The following RPTOR variants were observed in gnomAD, a reference collection of about 807,000 sequenced individuals.
RPTOR encodes the protein regulatory-associated protein of mTOR.
RPTOR carries 21 observed loss-of-function variants against 169.9 expected under a neutral mutation model. The ratio of observed to expected loss-of-function variants is 0.12; its 90% CI spans 0.09 to 0.18. The LOEUF (loss-of-function observed/expected upper bound fraction) is 0.18, where lower values mean the gene tolerates loss of function less well. Ranked by LOEUF, RPTOR falls within the 10% of genes least tolerant of loss-of-function variation. RPTOR has a pLI of 1.00. For synonymous variants in RPTOR, 732 were observed against 753.2 expected (o/e 0.97, Z 0.46); for missense variants, 1,133 against 1,855.9 (o/e 0.61, Z 7.16).
At chr17:80,891,515 G>A (rs1054618652) in intron 17 of RPTOR, among the ~76,000 whole-genome samples, 12 of 152,260 alleles carry the variant, frequency 7.9e-5, no homozygotes, top group Non-Finnish European at 1.6e-4. Context: ...TCCCCCGTGA[G>A]CCAGTGGCCT....
rs922576862 is a variant in RPTOR, at chr17:80,965,005, C to T, written c.*675C>T. The T allele has an allele frequency of 8.6e-6, 2 of 233,400 alleles. No individual in the cohort carries two copies. Among genetic ancestry groups the T allele is most frequent in the African/African-American group, 2.2e-5 (1 of 45,362 alleles). 14.5% of individuals were successfully genotyped at this position (233,400 alleles called of 1,614,324 possible). ...GGAAGCGCACAGCCCACCCTCCCCG[C>T]ACCTCCAGGTCTCTGGACTCCAGTT... On this transcript the variant is annotated 3_prime_UTR_variant, in exon 34 of 34. Coordinates refer to ENST00000306801, the MANE Select transcript of RPTOR (RefSeq NM_020761.3).
In RPTOR at chr17:80,562,950, C is replaced by T. The variant is rs974762813; in HGVS notation, c.162+17159C>T. Among the ~76,000 whole-genome samples the T allele has an allele frequency of 7.2e-5, 11 of 152,186 alleles. No individual in the cohort carries two copies. The highest frequency in any genetic ancestry group is 2.6e-4 in the Admixed American group (4 of 15,290). ...GTGTGACCGTCGCCTGCCTTGCTGC[C>T]GATGTCCTGAAGATGCTTCATGTTG... On this transcript the variant is annotated intron_variant, in intron 1 of 33. Coordinates refer to ENST00000306801, the MANE Select transcript of RPTOR (RefSeq NM_020761.3). The surrounding 1 kb of genome is among the most constrained non-coding windows in gnomAD (Gnocchi z 4.4).
intron 11 of RPTOR, among the ~76,000 whole-genome samples, chr17:80,853,665 A>G (rs1014121724): frequency 1.3e-5 from 2 of 152,188 alleles, no homozygotes; most frequent in African/African-American, 4.8e-5. Flanking sequence ...GAAAAAATCA[A>G]AAGAAGTAAT....
intron 3 of RPTOR, among the ~76,000 whole-genome samples, chr17:80,703,972 A>G (rs2066122630): frequency 6.6e-6 from 1 of 152,164 alleles, no homozygotes; most frequent in Non-Finnish European, 1.5e-5. Context: ...CTTATAGCTG[A>G]TGCGTTTGGT....
At chr17:80,744,530 TACTAGCACAGC>T (rs2066543164) in intron 5 of RPTOR, among the ~76,000 whole-genome samples, 4 of 88,534 alleles carry the variant, frequency 4.5e-5, no homozygotes, top group Non-Finnish European at 1.0e-4. Flanking sequence ...CAGCCCTGGC[TACTAGCACAGC>T]CCTGGCTACT....
At chr17:80,928,968 GAA>G (rs1481975334) in intron 24 of RPTOR, among the ~76,000 whole-genome samples, 2 of 152,176 alleles carry the variant, frequency 1.3e-5, no homozygotes, top group East Asian at 3.8e-4. Context: ...GTCAGGATTA[GAA>G]AAGGGTATAC....
At chr17:80,836,409 G>A (rs1473191735) in intron 9 of RPTOR, among the ~76,000 whole-genome samples, 2 of 152,238 alleles carry the variant, frequency 1.3e-5, no homozygotes, top group Non-Finnish European at 2.9e-5. Flanking sequence ...CTGGATGCCA[G>A]GGCACCTGCA....
rs1721981069 is a variant in RPTOR at position 80,820,711 on chromosome 17, G to A, written c.891-1490G>A. Reference sequence around the variant, plus strand: ...CTTGTTCTGAAGCGAGAGCAGACTGGGGAGAAGGAGGAGGGGCTGAGACGA... The same window carrying A: ...CTTGTTCTGAAGCGAGAGCAGACTGAGGAGAAGGAGGAGGGGCTGAGACGA... On this transcript the variant is annotated intron_variant, in intron 7 of 33. Coordinates refer to ENST00000306801, the MANE Select transcript of RPTOR (RefSeq NM_020761.3). This position sits in a 1 kb window ranked among gnomAD's most constrained non-coding sequence, Gnocchi z 4.1. Among the ~76,000 whole-genome samples the A allele has an allele frequency of 6.6e-6, 1 of 152,148 alleles. No individual in the cohort carries two copies. The highest frequency in any genetic ancestry group is 1.5e-5 in the Non-Finnish European group (1 of 68,026).
Position 80,643,749 on chromosome 17 carries a change from A to C in RPTOR, c.287A>C (p.Gln96Pro), listed in dbSNP as rs1358902026. The change falls in exon 3 of 34, where the codon CAG becomes CCG. Residue 96 changes from glutamine (Q) to proline (P), a missense_variant. Gln to Pro is a moderately conservative substitution (Grantham distance 76). Around this residue, in one of 9 missense-constraint regions of RPTOR, gnomAD observed 74 missense variants for 168.3 expected, o/e 0.44. Transcript: ENST00000306801. ...TCAGATCCTCTGTCGATGGGTCCTC[A>C]GAAAGCTCTGGAAACCATCGGTGCA... is the stretch of plus-strand genomic sequence containing the variant. Reference protein sequence around the residue: ...CWIDPLSMGPQKALETIGANL... With the variant: ...CWIDPLSMGPPKALETIGANL... 9.9e-6 allele frequency: 16 copies of C among 1,613,396 alleles called. No homozygotes were observed. The highest frequency in any genetic ancestry group is 1.3e-5 in the Non-Finnish European group (15 of 1,179,766).
At chr17:80,647,748 G>A (rs2065607943) in intron 3 of RPTOR, among the ~76,000 whole-genome samples, 1 of 152,188 alleles carries the variant, frequency 6.6e-6, no homozygotes, top group African/African-American at 2.4e-5. Context: ...CAGTCATGGA[G>A]CCACGTTGTT....
intron 25 of RPTOR, among the ~76,000 whole-genome samples, chr17:80,944,918 G>C (rs1418932301): frequency 3.3e-5 from 5 of 151,494 alleles, no homozygotes; most frequent in Non-Finnish European, 5.9e-5. Flanking sequence ...TTGAACCCAG[G>C]AGGCAGAGGT....
At chr17:80,930,368 A>AGCTCATCCCCT (rs2068873823) in intron 24 of RPTOR, among the ~76,000 whole-genome samples, 2 of 83,074 alleles carry the variant, frequency 2.4e-5, no homozygotes, top group Non-Finnish European at 2.3e-5. Context: ...GCTCATCCTC[A>AGCTCATCCCCT]GCTCATCCCC....
At chr17:80,780,303 G>A (rs2066928383) in intron 6 of RPTOR, among the ~76,000 whole-genome samples, 1 of 152,186 alleles carries the variant, frequency 6.6e-6, no homozygotes, top group Admixed American at 6.5e-5. Context: ...CGGTGGAGAA[G>A]AGCGGAAAGG....
At chr17:80,566,625 C>T (rs62068270) in intron 1 of RPTOR, among the ~76,000 whole-genome samples, 1 of 151,608 alleles carries the variant, frequency 6.6e-6, no homozygotes, top group African/African-American at 2.4e-5. Context: ...TCGAGATCAT[C>T]CTGGCTAATA....
In RPTOR at chr17:80,844,563, C is replaced by T. The variant is rs1420154650; in HGVS notation, c.1213-1910C>T. On this transcript the variant is annotated intron_variant, in intron 10 of 33. Transcript: ENST00000306801. The surrounding 1 kb of genome is among the most constrained non-coding windows in gnomAD (Gnocchi z 4.7). ...TTCACACTTGAAAACAGGAAAATCACTCTGGGGGCTCCAAGCCAGCTCCAC... is the reference window on the plus strand; with the variant it reads ...TTCACACTTGAAAACAGGAAAATCATTCTGGGGGCTCCAAGCCAGCTCCAC... 1.3e-5 allele frequency among the ~76,000 whole-genome samples: 2 copies of T among 152,172 alleles called. No homozygotes were observed. The highest frequency in any genetic ancestry group is 3.9e-4 in the East Asian group (2 of 5,194).
rs112547471 is a variant in RPTOR at position 80,933,671 on chromosome 17, A to G, written c.2920-6825A>G. Reference sequence around the variant, plus strand: ...TAACAAAAGAAAAATGTAAGAGACAAACATACTGAACAACTCACGCTTCCT... The same window carrying G: ...TAACAAAAGAAAAATGTAAGAGACAGACATACTGAACAACTCACGCTTCCT... On this transcript the variant is annotated intron_variant, in intron 24 of 33. Transcript: ENST00000306801. 7.0e-3 allele frequency among the ~76,000 whole-genome samples: 1,071 copies of G among 152,344 alleles called. 8 individuals are homozygous for G. Among genetic ancestry groups the G allele is most frequent in the African/African-American group, 0.024 (1,010 of 41,588 alleles).
At chr17:80,885,736 T>C (rs2143846788) in intron 17 of RPTOR, among the ~76,000 whole-genome samples, 2 of 152,282 alleles carry the variant, frequency 1.3e-5, no homozygotes, top group East Asian at 3.9e-4. Flanking sequence ...AGAGATGGGG[T>C]TTCACTGTGT....
chr17:80,627,276 T>C (rs1035377431), intron 2 of RPTOR, among the ~76,000 whole-genome samples: 4 of 152,238 alleles, frequency 2.6e-5, no homozygotes, highest in Non-Finnish European at 5.9e-5. Context: ...CGCCTTGGCC[T>C]CCCAAAGTGC....
intron 5 of RPTOR, among the ~76,000 whole-genome samples, chr17:80,731,265 G>A (rs1215873018): frequency 6.6e-6 from 1 of 152,040 alleles, no homozygotes; most frequent in Non-Finnish European, 1.5e-5. Flanking sequence ...TCATAGGGTC[G>A]ATTTGTGCCC....
Sources: allele counts gnomAD v4.1 joint callset (sites outside exome capture counted in the v4.1 genomes callset), GRCh38; gene constraint gnomAD v4.1.1; regional missense constraint gnomAD v4.1.1; non-coding constraint Gnocchi (gnomAD v3.1); transcripts MANE v1.5; gene names NCBI Gene and HGNC (gene_info 2026-07-23, HGNC 2026-07-21).